TAGAP: variants seen among roughly 807,000 people sequenced by gnomAD.
TAGAP encodes the protein T-cell activation Rho GTPase-activating protein.
A neutral mutation model predicts 36.0 loss-of-function variants in TAGAP; 16 were observed. The ratio of observed to expected loss-of-function variants is 0.44; its 90% CI spans 0.30 to 0.68. The LOEUF is 0.68. Ranked by LOEUF, TAGAP falls within the 30% of genes least tolerant of loss-of-function variation. TAGAP has a pLI of 0.09. For synonymous variants in TAGAP, 372 were observed against 377.4 expected (o/e 0.99, Z 0.17); for missense variants, 794 against 921.5 (o/e 0.86, Z 1.79).
At chr6:159,043,516 G>T (rs1213633221) in intron 4 of TAGAP, 73 bp downstream of exon 4, 23 of 1,405,530 alleles carry the variant, frequency 1.6e-5, no homozygotes, top group Non-Finnish European at 2.2e-5. Context: ...GAGTAAAAGC[G>T]CTGTGGTTTT....
At chr6:159,044,570 G>A (rs1345176822) in intron 1 of TAGAP, among the ~76,000 whole-genome samples, 2 of 151,678 alleles carry the variant, frequency 1.3e-5, no homozygotes, top group Non-Finnish European at 2.9e-5. Flanking sequence ...TTTTGGTGGA[G>A]TGCTGACTAT....
In TAGAP at chr6:159,036,670, G is replaced by A. The variant is rs1779549225; in HGVS notation, c.1353C>T (p.Leu451=). The A allele has an allele frequency of 6.2e-7, 1 of 1,613,874 alleles. No individual in the cohort carries two copies. Among genetic ancestry groups the A allele is most frequent in the African/African-American group, 1.3e-5 (1 of 74,912 alleles). Residue 451 remains leucine (L), a synonymous_variant, in exon 10 of 10, where the codon CTC becomes CTT. Transcript: ENST00000367066. This position sits in a 1 kb window ranked among gnomAD's most constrained non-coding sequence, Gnocchi z 4.9. ...AGGCTTTGAGAACCAGTGCCCGCGG[G>A]AGCACCGAACCCGGGGCCAAGTTCT... is the stretch of plus-strand genomic sequence containing the variant. ...KIKNLAPGSV[L]PRALVLKAFS...
At chr6:159,043,306 G>C (rs532539836) in intron 4 of TAGAP, among the ~76,000 whole-genome samples, 1 of 152,330 alleles carries the variant, frequency 6.6e-6, no homozygotes, top group South Asian at 2.1e-4. Context: ...TTTCAAATGT[G>C]TGCATGCTAA....
In TAGAP at chr6:159,035,180, A is replaced by T. The variant is rs4709265; in HGVS notation, c.*647T>A. On this transcript the variant is annotated 3_prime_UTR_variant, in exon 10 of 10. Coordinates refer to ENST00000367066, the MANE Select transcript of TAGAP (RefSeq NM_054114.5). ...AATACATTTTCATTAATCTACCCAC[A>T]TTTAATTGGATGATTGAAAGGACAC... The T allele has an allele frequency of 0.11, 16,274 of 152,300 alleles. 1,525 individuals carry two copies. The highest frequency in any genetic ancestry group is 0.39 in the East Asian group (2,090 of 5,302). The allele number at this position is 152,300 out of a possible 1,614,324, so 9.4% of individuals were successfully genotyped here.
In TAGAP at chr6:159,044,900, A is replaced by T; in HGVS notation, c.-80T>A. On this transcript the variant is annotated 5_prime_UTR_variant, in exon 1 of 10. Coordinates refer to ENST00000367066, the MANE Select transcript of TAGAP (RefSeq NM_054114.5). ...TTACCCTTGGAGGGTCTCTAGCCAG[A>T]GTTCTTTTACATCCGGTGAGCTGTA... 2.5e-6 allele frequency: 1 copy of T among 398,666 alleles called. No individual in the cohort carries two copies. 24.7% of individuals were successfully genotyped at this position (398,666 alleles called of 1,614,324 possible).
Position 159,044,056 on chromosome 6 carries a change from G to A in TAGAP, c.28-25C>T, listed in dbSNP as rs767587369. 7 of 1,613,504 alleles carry A rather than the reference G, an allele frequency of 4.3e-6. No homozygotes were observed. The South Asian group carries it at 6.6e-5, about 15-fold the overall frequency. On this transcript the variant is annotated intron_variant, in intron 2 of 9. Coordinates refer to ENST00000367066, the MANE Select transcript of TAGAP (RefSeq NM_054114.5). ...ACTAAAAGAGAAAAAATAAAATTAG[G>A]TAAATATCTTTTGGCCCTTGCCTGT...
At position 159,036,110 on chromosome 6, in the gene TAGAP, G is replaced by A. The variant is rs1483693541; in HGVS notation, c.1913C>T (p.Pro638Leu). ...TGAGTCCTCTACGTGGTGAGCAGGTGGAAGAGGGGGTAGGAGGCAGTGCGC... is the reference window on the plus strand; with the variant it reads ...TGAGTCCTCTACGTGGTGAGCAGGTAGAAGAGGGGGTAGGAGGCAGTGCGC... ...LEAHCLLPPL[P>L]PAHHVEDSRH... Residue 638 changes from proline to leucine, a missense_variant, in exon 10 of 10, where the codon CCA becomes CTA. By Grantham distance (98) the Pro-to-Leu change is moderately conservative (BLOSUM62 -3). Coordinates refer to ENST00000367066, the MANE Select transcript of TAGAP (RefSeq NM_054114.5). This position sits in a 1 kb window ranked among gnomAD's most constrained non-coding sequence, Gnocchi z 4.9. 1 of 1,613,804 alleles carries A rather than the reference G, an allele frequency of 6.2e-7. No homozygotes were observed. The highest frequency in any genetic ancestry group is 8.5e-7 in the Non-Finnish European group (1 of 1,179,830).
Position 159,041,616 on chromosome 6 carries a change from C to A in TAGAP, c.316-101G>T. The A allele has an allele frequency of 5.3e-6, 7 of 1,330,756 alleles. No homozygotes were observed. In the South Asian group the frequency reaches 1.1e-4, roughly 21 times the overall value. 82.4% of individuals were successfully genotyped at this position (1,330,756 alleles called of 1,614,324 possible). Reference sequence around the variant, plus strand: ...ATTGATGTCAGATTTTGCTTTCAGTCCAGTTGCTGTCAATGGCCTTCCTCA... The same window carrying A: ...ATTGATGTCAGATTTTGCTTTCAGTACAGTTGCTGTCAATGGCCTTCCTCA... On this transcript the variant is annotated intron_variant, in intron 5 of 9. Transcript: ENST00000367066. This position sits in a 1 kb window ranked among gnomAD's most constrained non-coding sequence, Gnocchi z 4.1.
chr6:159,041,632 G>T lies in TAGAP; in HGVS notation c.316-117C>A. Reference sequence around the variant, plus strand: ...GCTTTCAGTCCAGTTGCTGTCAATGGCCTTCCTCAACCCTGCTATTTTTCT... The same window carrying T: ...GCTTTCAGTCCAGTTGCTGTCAATGTCCTTCCTCAACCCTGCTATTTTTCT... On this transcript the variant is annotated intron_variant, in intron 5 of 9. Coordinates refer to ENST00000367066, the MANE Select transcript of TAGAP (RefSeq NM_054114.5). The surrounding 1 kb of genome is among the most constrained non-coding windows in gnomAD (Gnocchi z 4.1). 1.7e-6 allele frequency: 2 copies of T among 1,185,198 alleles called. No individual in the cohort carries two copies. Among genetic ancestry groups the T allele is most frequent in the Non-Finnish European group, 2.3e-6 (2 of 874,752 alleles). 73.4% of individuals were successfully genotyped at this position (1,185,198 alleles called of 1,614,324 possible). A position where few individuals can be genotyped will look rare whatever the true frequency, so the allele number is the denominator to read the frequency against.
At chr6:159,043,541 C>T (rs200519052) in intron 4 of TAGAP, 48 bp downstream of exon 4, 177 of 1,582,556 alleles carry the variant, frequency 1.1e-4, no homozygotes, top group Non-Finnish European at 1.3e-4. Flanking sequence ...ACCAAGAGCA[C>T]TGGTTGTTAG....
chr6:159,034,670 A>G lies in TAGAP; in HGVS notation c.*1157T>C, dbSNP rs1288548707. ...TCATAAGAATGAGGTGAGATGTAAAATTACTGGAAAGTTTAATTCACTAGA... is the reference window on the plus strand; with the variant it reads ...TCATAAGAATGAGGTGAGATGTAAAGTTACTGGAAAGTTTAATTCACTAGA... On this transcript the variant is annotated 3_prime_UTR_variant, in exon 10 of 10. Coordinates refer to ENST00000367066, the MANE Select transcript of TAGAP (RefSeq NM_054114.5). 2.0e-5 allele frequency: 3 copies of G among 152,202 alleles called. No homozygotes were observed. The highest frequency in any genetic ancestry group is 4.4e-5 in the Non-Finnish European group (3 of 68,048). The allele number at this position is 152,202 out of a possible 1,614,324, so 9.4% of individuals were successfully genotyped here. A position where few individuals can be genotyped will look rare whatever the true frequency, so the allele number is the denominator to read the frequency against.
In TAGAP at chr6:159,042,210, G is replaced by C; in HGVS notation, c.183C>G (p.Pro61=). ...VKKRKKVLSW[P]FLMRRLSPAS... ...CAGGGGAGAGCCTTCTCATGAGAAA[G>C]GGCCAGGACAGCACCTTCTTTCTCT... The change falls in exon 5 of 10, where the codon CCC becomes CCG. Residue 61 remains proline (P), a synonymous_variant. Coordinates refer to ENST00000367066, the MANE Select transcript of TAGAP (RefSeq NM_054114.5). 6.2e-7 allele frequency: 1 copy of C among 1,613,906 alleles called. No individual in the cohort carries two copies. The highest frequency in any genetic ancestry group is 8.5e-7 in the Non-Finnish European group (1 of 1,179,964).
rs1779754546 is a variant in TAGAP at position 159,041,583 on chromosome 6, A to G, written c.316-68T>C. The G allele has an allele frequency of 2.0e-6, 3 of 1,492,084 alleles. No homozygotes were observed. The highest frequency in any genetic ancestry group is 2.7e-6 in the Non-Finnish European group (3 of 1,113,004). 92.4% of individuals were successfully genotyped at this position (1,492,084 alleles called of 1,614,324 possible). On this transcript the variant is annotated intron_variant, in intron 5 of 9. Transcript: ENST00000367066. This position sits in a 1 kb window ranked among gnomAD's most constrained non-coding sequence, Gnocchi z 4.1. ...TCTTTAGTATACTGAGATAGTCTTA[A>G]CAGGAATATTGATGTCAGATTTTGC...
chr6:159,038,262 A>T, intron 8 of TAGAP, 34 bp from the exon 9 acceptor site: 3 of 1,012,486 alleles, frequency 3.0e-6, no homozygotes, highest in Non-Finnish European at 4.4e-6. Context: ...GTCAGCTTGA[A>T]GACTTTTTTT....
chr6:159,040,910 C>G, intron 6 of TAGAP, 78 bp from the exon 7 acceptor site: 1 of 1,128,890 alleles, frequency 8.9e-7, no homozygotes, highest in Non-Finnish European at 1.3e-6. Context: ...GGTTTTCGTT[C>G]CATCGCAGGG....
At position 159,041,042 on chromosome 6, in the gene TAGAP, G is replaced by A. The variant is rs1024303695; in HGVS notation, c.478-210C>T. ...CTTTCTAACATCAGGCAGAGTCAGA[G>A]GCACCATCCCCAGGTGGGTGTGTTC... On this transcript the variant is annotated intron_variant, in intron 6 of 9. Coordinates refer to ENST00000367066, the MANE Select transcript of TAGAP (RefSeq NM_054114.5). This position sits in a 1 kb window ranked among gnomAD's most constrained non-coding sequence, Gnocchi z 4.1. The A allele has an allele frequency of 6.8e-6, 4 of 584,312 alleles. No individual in the cohort carries two copies. The Admixed American group carries it at 9.3e-5, about 14-fold the overall frequency. The allele number at this position is 584,312 out of a possible 1,614,324, so 36.2% of individuals were successfully genotyped here. A position where few individuals can be genotyped will look rare whatever the true frequency, so the allele number is the denominator to read the frequency against.
chr6:159,038,784 A>G (rs1779648477), intron 8 of TAGAP: 2 of 545,796 alleles, frequency 3.7e-6, no homozygotes, highest in Non-Finnish European at 5.0e-6. Flanking sequence ...TAAAATTTTC[A>G]TTTAAGTAAG....
At chr6:159,043,731 C>T in intron 3 of TAGAP, 76 bp from the exon 4 acceptor site, 1 of 1,394,728 alleles carries the variant, frequency 7.2e-7, no homozygotes, top group South Asian at 1.2e-5. Context: ...AACACACATA[C>T]AGCATTTTAT....
Position 159,037,202 on chromosome 6 carries a change from C to A in TAGAP, c.899-78G>T. On this transcript the variant is annotated intron_variant, in intron 9 of 9. Transcript: ENST00000367066. This position sits in a 1 kb window ranked among gnomAD's most constrained non-coding sequence, Gnocchi z 5.1. Reference sequence around the variant, plus strand: ...TATTTTTATTTGTATTTTTTATTTTCATTTTTTGAGATGGAGTCTCGGTTT... The same window carrying A: ...TATTTTTATTTGTATTTTTTATTTTAATTTTTTGAGATGGAGTCTCGGTTT... 1 of 1,285,528 alleles carries A rather than the reference C, an allele frequency of 7.8e-7. No homozygotes were observed. Among genetic ancestry groups the A allele is most frequent in the Non-Finnish European group, 1.0e-6 (1 of 986,386 alleles). The allele number at this position is 1,285,528 out of a possible 1,614,324, so 79.6% of individuals were successfully genotyped here.
Sources: gnomAD v4.1 joint callset for allele counts (sites outside exome capture counted in the v4.1 genomes callset) on GRCh38, gnomAD v4.1.1 for gene constraint, Gnocchi (gnomAD v3.1) non-coding constraint, MANE v1.5 for transcripts, NCBI Gene and HGNC (gene_info 2026-07-23, HGNC 2026-07-21) for gene names.